The following STX8 variants were observed in gnomAD, a reference collection of about 807,000 sequenced individuals.
The protein encoded by STX8 is syntaxin-8.
A neutral mutation model predicts 37.5 loss-of-function variants in STX8; 23 were observed. The observed-to-expected ratio is 0.61, with a 90% CI of 0.44 to 0.87. The LOEUF (loss-of-function observed/expected upper bound fraction) is 0.87. STX8 is among the 40% of genes least tolerant of loss of function. The pLI is 0.00. For synonymous variants in STX8, 115 were observed against 99.1 expected (o/e 1.16, Z -0.95); for missense variants, 313 against 284.7 (o/e 1.10, Z -0.71).
At chr17:9,317,851 T>C (rs944904480) in intron 7 of STX8, among the ~76,000 whole-genome samples, 1 of 151,910 alleles carries the variant, frequency 6.6e-6, no homozygotes, top group Non-Finnish European at 1.5e-5. Context: ...GCTGCTAGTG[T>C]AGGTAGGTGT....
intron 7 of STX8, among the ~76,000 whole-genome samples, chr17:9,274,195 A>G (rs747941895): frequency 5.3e-5 from 8 of 152,104 alleles, no homozygotes; most frequent in Non-Finnish European, 1.0e-4. Flanking sequence ...CTTAAGGTAC[A>G]GATAATGCCT....
At chr17:9,390,908 C>T (rs145469362) in intron 6 of STX8, among the ~76,000 whole-genome samples, 229 of 150,052 alleles carry the variant, frequency 1.5e-3, no homozygotes, top group African/African-American at 4.8e-3. Flanking sequence ...AACAGTTAAA[C>T]GCAATCTGTA....
chr17:9,287,409 G>C (rs1908117969), intron 7 of STX8, among the ~76,000 whole-genome samples: 1 of 152,176 alleles, frequency 6.6e-6, no homozygotes, highest in African/African-American at 2.4e-5. Context: ...CTGGACTGGG[G>C]AGCTTGAAAC....
chr17:9,256,872 G>T (rs989397807), intron 7 of STX8, among the ~76,000 whole-genome samples: 1 of 152,206 alleles, frequency 6.6e-6, no homozygotes, highest in Admixed American at 6.5e-5. Flanking sequence ...CCTCAGGGGG[G>T]TCTACTCATC....
chr17:9,438,071 C>T (rs1455665135), intron 6 of STX8, among the ~76,000 whole-genome samples: 1 of 151,668 alleles, frequency 6.6e-6, no homozygotes, highest in Non-Finnish European at 1.5e-5. Context: ...ATGGTGAAAC[C>T]CCAACTCTAA....
intron 1 of STX8, among the ~76,000 whole-genome samples, chr17:9,570,654 A>G (rs1449506653): frequency 6.6e-6 from 1 of 152,178 alleles, no homozygotes; most frequent in African/African-American, 2.4e-5. Context: ...AAACTTTGCC[A>G]CATTTCACTT....
chr17:9,410,014 TG>T (rs1328266509), intron 6 of STX8, among the ~76,000 whole-genome samples: 1 of 130,544 alleles, frequency 7.7e-6, no homozygotes, highest in Non-Finnish European at 1.6e-5. Flanking sequence ...GGATTGGGGG[TG>T]GGGGAGGGAG....
chr17:9,313,845 T>G (rs1266070826), intron 7 of STX8, among the ~76,000 whole-genome samples: 2 of 152,204 alleles, frequency 1.3e-5, no homozygotes, highest in Non-Finnish European at 2.9e-5. Context: ...TTAGCCAGGA[T>G]GGTCTCGATC....
chr17:9,555,426 T>C (rs1906925829), intron 3 of STX8: 1 of 152,224 alleles, frequency 6.6e-6, no homozygotes, highest in Admixed American at 6.5e-5. Context: ...TGACTAATAA[T>C]GTTACCTTAA....
chr17:9,335,250 G>C (rs530702227), intron 7 of STX8, among the ~76,000 whole-genome samples: 1 of 152,296 alleles, frequency 6.6e-6, no homozygotes, highest in South Asian at 2.1e-4. Flanking sequence ...CTCTTGTTCA[G>C]CTGTGCTCTC....
chr17:9,485,659 C>G (rs986734596), intron 6 of STX8, among the ~76,000 whole-genome samples: 10 of 150,762 alleles, frequency 6.6e-5, no homozygotes, highest in Admixed American at 6.6e-4. Flanking sequence ...GATCTCAGCT[C>G]ACTGCAACCT....
At chr17:9,449,506 A>G (rs1256381682) in intron 6 of STX8, among the ~76,000 whole-genome samples, 1 of 152,182 alleles carries the variant, frequency 6.6e-6, no homozygotes, top group East Asian at 1.9e-4. Context: ...GCCTGCAGTG[A>G]GCCGAGATGG....
chr17:9,484,936 A>G (rs1371382979), intron 6 of STX8, among the ~76,000 whole-genome samples: 2 of 152,168 alleles, frequency 1.3e-5, no homozygotes, highest in African/African-American at 4.8e-5. Flanking sequence ...GAATGCAATG[A>G]CTAGATCATT....
intron 7 of STX8, among the ~76,000 whole-genome samples, chr17:9,307,610 G>T (rs1191850350): frequency 6.6e-6 from 1 of 152,116 alleles, no homozygotes; most frequent in African/African-American, 2.4e-5. Context: ...ACTCCTTAGG[G>T]CCTGGAAGCG....
At chr17:9,377,654 G>A (rs915719520) in intron 7 of STX8, among the ~76,000 whole-genome samples, 1 of 152,066 alleles carries the variant, frequency 6.6e-6, no homozygotes, top group East Asian at 1.9e-4. Context: ...TAGAGACAGG[G>A]TCTCGCCATG....
intron 7 of STX8, among the ~76,000 whole-genome samples, chr17:9,301,784 C>T (rs566947958): frequency 1.3e-5 from 2 of 152,152 alleles, no homozygotes; most frequent in South Asian, 2.1e-4. Context: ...CCACGGCGCC[C>T]GGCCAGTGCT....
intron 6 of STX8, among the ~76,000 whole-genome samples, chr17:9,405,413 A>G (rs1912767778): frequency 6.6e-6 from 1 of 152,170 alleles, no homozygotes; most frequent in Non-Finnish European, 1.5e-5. Flanking sequence ...CCTACTGGTA[A>G]GGTACTCCCT....
intron 6 of STX8, among the ~76,000 whole-genome samples, chr17:9,429,495 A>C (rs1294496775): frequency 7.0e-6 from 1 of 143,814 alleles, no homozygotes; most frequent in Non-Finnish European, 1.5e-5. Flanking sequence ...TGAGGTCAGG[A>C]GATCAAGACC....
chr17:9,473,231 C>T (rs1224362872), intron 6 of STX8, among the ~76,000 whole-genome samples: 1 of 151,974 alleles, frequency 6.6e-6, no homozygotes, highest in East Asian at 1.9e-4. Flanking sequence ...GTTGGCCAGG[C>T]TGGTCTCGAA....
Sources: allele counts gnomAD v4.1 joint callset (sites outside exome capture counted in the v4.1 genomes callset), GRCh38; gene constraint gnomAD v4.1.1; transcripts MANE v1.5; gene names NCBI Gene and HGNC (gene_info 2026-07-23, HGNC 2026-07-21).